Variants in RBFOX1 observed in about 807,000 individuals in gnomAD.
The protein encoded by RBFOX1 is RNA binding fox-1 homolog 1, also known as RNA binding protein fox-1 homolog 1.
Under a neutral mutation model 57.7 loss-of-function variants are expected in RBFOX1, and 8 were observed. The ratio of observed to expected loss-of-function variants is 0.14; its 90% CI spans 0.08 to 0.25. RBFOX1 has a LOEUF of 0.25. Among genes scored for constraint, RBFOX1 ranks in the 10% least tolerant of loss-of-function variants. The pLI, the probability that RBFOX1 is intolerant of heterozygous loss-of-function variation, is 1.00. For missense variants in RBFOX1, 611 were observed against 548.5 expected (o/e 1.11, Z -1.14); for synonymous variants, 326 against 222.4 (o/e 1.47, Z -4.15).
intron 4 of RBFOX1, among the ~76,000 whole-genome samples, chr16:7,314,258 C>T (rs543172100): frequency 2.2e-4 from 34 of 152,088 alleles, no homozygotes; most frequent in Non-Finnish European, 4.6e-4. Flanking sequence ...AGTCACTGCC[C>T]GGCACCGTAT....
intron 3 of RBFOX1, among the ~76,000 whole-genome samples, chr16:5,831,938 G>GT (rs2056289745): frequency 6.6e-6 from 1 of 152,172 alleles, no homozygotes; most frequent in Non-Finnish European, 1.5e-5. Flanking sequence ...TCGGCACATG[G>GT]TAAGTATTCA....
At chr16:7,620,002 G>C (rs1031932291) in intron 10 of RBFOX1, among the ~76,000 whole-genome samples, 2 of 152,086 alleles carry the variant, frequency 1.3e-5, no homozygotes, top group African/African-American at 4.8e-5. Context: ...AAACTCCTAA[G>C]TTTAAGTGCT....
chr16:6,003,945 G>A (rs915629541), intron 4 of RBFOX1, among the ~76,000 whole-genome samples: 7 of 152,208 alleles, frequency 4.6e-5, no homozygotes, highest in Admixed American at 2.0e-4. Flanking sequence ...ACTTTGAAAT[G>A]CTAATTTTAG....
At chr16:6,954,266 C>T (rs914776487) in intron 3 of RBFOX1, among the ~76,000 whole-genome samples, 4 of 151,932 alleles carry the variant, frequency 2.6e-5, no homozygotes, top group East Asian at 1.9e-4. Context: ...ATCAGGGTAG[C>T]GATTCTGGTC....
At chr16:6,437,932 C>T (rs566458265) in intron 2 of RBFOX1, among the ~76,000 whole-genome samples, 1 of 152,082 alleles carries the variant, frequency 6.6e-6, no homozygotes, top group South Asian at 2.1e-4. Context: ...GGACACAGAG[C>T]CAAACCATAT....
Position 6,510,543 on chromosome 16 carries a change from C to A in RBFOX1, c.-63-144060C>A, listed in dbSNP as rs966587407. 2.6e-5 allele frequency among the ~76,000 whole-genome samples: 4 copies of A among 152,300 alleles called. No homozygotes were observed. In the East Asian group the frequency reaches 7.7e-4, roughly 29 times the overall value. Reference sequence around the variant, plus strand: ...TTATCATTCATTTGTTCACTGACTACCCAAGCAATTGGAGTCTGTTGGATT... The same window carrying A: ...TTATCATTCATTTGTTCACTGACTAACCAAGCAATTGGAGTCTGTTGGATT... On this transcript the variant is annotated intron_variant, in intron 2 of 15. Transcript: ENST00000550418.
chr16:6,529,022 C>T (rs969293618), intron 2 of RBFOX1, among the ~76,000 whole-genome samples: 3 of 152,114 alleles, frequency 2.0e-5, no homozygotes, highest in South Asian at 2.1e-4. Context: ...GCAAGAGAAA[C>T]GCATTTTACT....
intron 4 of RBFOX1, among the ~76,000 whole-genome samples, chr16:6,004,043 A>G (rs997624009): frequency 9.8e-5 from 15 of 152,316 alleles, no homozygotes; most frequent in Non-Finnish European, 1.8e-4. Context: ...TTGCACGGTG[A>G]TTAAGAATAT....
intron 2 of RBFOX1, among the ~76,000 whole-genome samples, chr16:6,624,824 C>G (rs940244380): frequency 6.6e-6 from 1 of 152,052 alleles, no homozygotes; most frequent in Non-Finnish European, 1.5e-5. Flanking sequence ...TTAGCACATA[C>G]CATGTATAAC....
rs896422537 is a variant in RBFOX1 at position 5,483,675 on chromosome 16, C to G, written c.258+16421C>G. The stretch of plus-strand genomic sequence containing the variant: ...TTGCAGCTGAAATTCGCCTTCTGAT[C>G]TGCTGATAAAGCAAAGCACTGTTGG... On this transcript the variant is annotated intron_variant, in intron 2 of 2. Transcript: ENST00000585867. 2.6e-5 allele frequency among the ~76,000 whole-genome samples: 4 copies of G among 152,310 alleles called. No individual in the cohort carries two copies. The East Asian group carries it at 5.8e-4, about 22-fold the overall frequency.
chr16:6,690,531 A>G (rs2060051533), intron 3 of RBFOX1, among the ~76,000 whole-genome samples: 1 of 145,172 alleles, frequency 6.9e-6, no homozygotes, highest in South Asian at 2.2e-4. Flanking sequence ...GTAAAAGGCA[A>G]ACAAAACCTC....
At chr16:6,393,234 T>A (rs1357121165) in intron 2 of RBFOX1, among the ~76,000 whole-genome samples, 1 of 152,216 alleles carries the variant, frequency 6.6e-6, no homozygotes, top group Non-Finnish European at 1.5e-5. Flanking sequence ...TAAAACAAAT[T>A]AAATGACTCT....
intron 2 of RBFOX1, among the ~76,000 whole-genome samples, chr16:6,449,656 C>T (rs1298576598): frequency 6.6e-6 from 1 of 152,166 alleles, no homozygotes; most frequent in African/African-American, 2.4e-5. Context: ...CAGTGTTTAG[C>T]GTCAACACTG....
chr16:7,445,523 G>C (rs146591639), intron 4 of RBFOX1, among the ~76,000 whole-genome samples: 1 of 152,302 alleles, frequency 6.6e-6, no homozygotes, highest in East Asian at 1.9e-4. Context: ...TCAAATAGGA[G>C]TGACAGGTCC....
At chr16:6,299,517 G>T (rs754714634) in intron 1 of RBFOX1, among the ~76,000 whole-genome samples, 26 of 152,246 alleles carry the variant, frequency 1.7e-4, no homozygotes, top group Admixed American at 3.3e-4. Flanking sequence ...TAAGCCACCA[G>T]CCAGAGTGAT....
intron 2 of RBFOX1, among the ~76,000 whole-genome samples, chr16:6,604,114 T>C (rs1338734616): frequency 2.0e-5 from 3 of 152,006 alleles, no homozygotes. Context: ...TCTGCTTCTC[T>C]CCACTCCCCT....
intron 3 of RBFOX1, among the ~76,000 whole-genome samples, chr16:6,934,455 C>T (rs1453166447): frequency 1.3e-5 from 2 of 152,058 alleles, no homozygotes; most frequent in Non-Finnish European, 2.9e-5. Flanking sequence ...CTTAAAATAG[C>T]CAAGACATGG....
intron 4 of RBFOX1, among the ~76,000 whole-genome samples, chr16:5,967,601 A>C (rs772847528): frequency 9.9e-5 from 15 of 152,214 alleles, no homozygotes; most frequent in Non-Finnish European, 1.6e-4. Flanking sequence ...AAAATACACC[A>C]TGGGCTCATA....
In RBFOX1 at chr16:5,536,553, C is replaced by T. The variant is rs144294477; in HGVS notation, c.259-62349C>T. Among the ~76,000 whole-genome samples, 552 of 152,168 alleles carry T rather than the reference C, an allele frequency of 3.6e-3. 6 individuals are homozygous for T. The highest frequency in any genetic ancestry group is 5.6e-3 in the South Asian group (27 of 4,806). Reference sequence around the variant, plus strand: ...TCCTGGCCCTGTCTAGGTCTTACTGCACACCACAAAGAAAGCCGATCACTG... The same window carrying T: ...TCCTGGCCCTGTCTAGGTCTTACTGTACACCACAAAGAAAGCCGATCACTG... On this transcript the variant is annotated intron_variant, in intron 2 of 2. Transcript: ENST00000585867.
Sources: allele counts gnomAD v4.1 joint callset (sites outside exome capture counted in the v4.1 genomes callset), GRCh38; gene constraint gnomAD v4.1.1; transcripts MANE v1.5; gene names NCBI Gene and HGNC (gene_info 2026-07-23, HGNC 2026-07-21).